The following LHFPL3 variants were observed in gnomAD, a reference collection of about 807,000 sequenced individuals.
LHFPL3 encodes the protein LHFPL tetraspan subfamily member 3.
LHFPL3 carries 5 observed loss-of-function variants against 19.3 expected under a neutral mutation model. The observed-to-expected ratio is 0.26, with a 90% CI of 0.14 to 0.54. The LOEUF is 0.54. Among genes scored for constraint, LHFPL3 ranks in the 20% least tolerant of loss-of-function variants. LHFPL3 has a pLI of 0.94. For missense variants in LHFPL3, 249 were observed against 307.4 expected, an observed-to-expected ratio of 0.81 and a Z score of 1.42; for synonymous variants, 133 against 126.2, an observed-to-expected ratio of 1.05 and a Z score of -0.36.
intron 1 of LHFPL3, among the ~76,000 whole-genome samples, chr7:104,725,599 A>C (rs890224678): frequency 6.6e-6 from 1 of 152,166 alleles, no homozygotes; most frequent in Non-Finnish European, 1.5e-5. Flanking sequence ...ATCCTCCAAA[A>C]TAAAAGGAAT....
chr7:104,378,076 A>G (rs977129189), intron 1 of LHFPL3, among the ~76,000 whole-genome samples: 5 of 152,208 alleles, frequency 3.3e-5, no homozygotes, highest in African/African-American at 1.2e-4. Flanking sequence ...TCCAGTTCAA[A>G]TGTACAGTTT....
rs141310730 is a variant in LHFPL3 at position 104,521,431 on chromosome 7, T to C, written c.445+192207T>C. 2.6e-3 allele frequency among the ~76,000 whole-genome samples: 403 copies of C among 152,288 alleles called. 2 individuals carry two copies. The highest frequency in any genetic ancestry group is 8.9e-3 in the African/African-American group (370 of 41,552). On this transcript the variant is annotated intron_variant, in intron 1 of 2. Transcript: ENST00000424859. Reference sequence around the variant, plus strand: ...GAAAAAAATGTATATTCTGTTGATTTGGGGTGGAGAGTTCTGTAGGCATTA... The same window carrying C: ...GAAAAAAATGTATATTCTGTTGATTCGGGGTGGAGAGTTCTGTAGGCATTA...
intron 1 of LHFPL3, among the ~76,000 whole-genome samples, chr7:104,437,296 A>T (rs1792128108): frequency 6.6e-6 from 1 of 152,216 alleles, no homozygotes; most frequent in South Asian, 2.1e-4. Flanking sequence ...AACTTCATTG[A>T]TGACTGAACA....
intron 1 of LHFPL3, among the ~76,000 whole-genome samples, chr7:104,375,238 T>C (rs1790689860): frequency 6.6e-6 from 1 of 151,932 alleles, no homozygotes; most frequent in Non-Finnish European, 1.5e-5. Flanking sequence ...ACACCGGGGG[T>C]GAGGCAGGAG....
Position 104,753,039 on chromosome 7 carries a change from T to C in LHFPL3, c.682+16128T>C, listed in dbSNP as rs1794207250. Among the ~76,000 whole-genome samples, 2 of 152,230 alleles carry C rather than the reference T, an allele frequency of 1.3e-5. 1 individual carries two copies. Among genetic ancestry groups the C allele is most frequent in the South Asian group, 4.1e-4 (2 of 4,834 alleles). ...TGGGTTTTGACAAATGAAATCTTTA[T>C]TTTTAACAAGCACATTTAAGTAAAT... On this transcript the variant is annotated intron_variant, in intron 2 of 2. Coordinates refer to ENST00000424859, the MANE Select transcript of LHFPL3 (RefSeq NM_199000.3).
At chr7:104,684,815 G>A (rs1792775030) in intron 1 of LHFPL3, among the ~76,000 whole-genome samples, 1 of 152,160 alleles carries the variant, frequency 6.6e-6, no homozygotes, top group Non-Finnish European at 1.5e-5. Flanking sequence ...GTGAGACTTT[G>A]CTAGCTTCCC....
intron 1 of LHFPL3, among the ~76,000 whole-genome samples, chr7:104,709,857 G>A (rs1466783573): frequency 1.6e-5 from 2 of 125,986 alleles, no homozygotes; most frequent in Non-Finnish European, 3.7e-5. Flanking sequence ...CCGGGCAGAG[G>A]GGCTCCTCAC....
At chr7:104,578,262 G>A (rs553936933) in intron 1 of LHFPL3, among the ~76,000 whole-genome samples, 10 of 152,326 alleles carry the variant, frequency 6.6e-5, no homozygotes, top group African/African-American at 1.7e-4. Context: ...TAGAGAGCCC[G>A]CTGCTTAGCT....
intron 1 of LHFPL3, among the ~76,000 whole-genome samples, chr7:104,672,964 C>T (rs1356454654): frequency 1.3e-5 from 2 of 152,066 alleles, no homozygotes; most frequent in Non-Finnish European, 2.9e-5. Context: ...TCTCTCAATA[C>T]TGGTTTTTCT....
Position 104,559,083 on chromosome 7 carries a change from C to G in LHFPL3, c.446-177592C>G, listed in dbSNP as rs1007788457. 1.9e-3 allele frequency among the ~76,000 whole-genome samples: 283 copies of G among 147,342 alleles called. 3 individuals are homozygous for G. The highest frequency in any genetic ancestry group is 6.9e-3 in the African/African-American group (271 of 39,478). On this transcript the variant is annotated intron_variant, in intron 1 of 2. Transcript: ENST00000424859. Reference sequence around the variant, plus strand: ...TACCATGCTGTTTTGGTTACTGTAGCCTTTCAGTGTAGTTTGAAGTCAGGT... The same window carrying G: ...TACCATGCTGTTTTGGTTACTGTAGGCTTTCAGTGTAGTTTGAAGTCAGGT...
intron 1 of LHFPL3, among the ~76,000 whole-genome samples, chr7:104,626,186 G>C (rs1029641668): frequency 6.6e-6 from 1 of 152,150 alleles, no homozygotes; most frequent in Non-Finnish European, 1.5e-5. Context: ...ATGAGTGCCT[G>C]CTTCCTTACA....
chr7:104,350,386 G>A (rs932567332), intron 1 of LHFPL3, among the ~76,000 whole-genome samples: 2 of 152,132 alleles, frequency 1.3e-5, no homozygotes, highest in African/African-American at 4.8e-5. Context: ...TGGTTTCAAA[G>A]TCCAGACTTG....
Position 104,610,980 on chromosome 7 carries a change from T to G in LHFPL3, c.446-125695T>G, listed in dbSNP as rs116563609. ...CATTTTTTTCATTTGCACAGTAGCA[T>G]GAATCGGTTGACTCCTATGAAGCAA... is the stretch of plus-strand genomic sequence containing the variant. On this transcript the variant is annotated intron_variant, in intron 1 of 2. Transcript: ENST00000424859. Among the ~76,000 whole-genome samples, 445 of 152,312 alleles carry G rather than the reference T, an allele frequency of 2.9e-3. 1 individual carries two copies. Among genetic ancestry groups the G allele is most frequent in the African/African-American group, 0.01 (429 of 41,584 alleles).
At chr7:104,593,526 G>A (rs1049714073) in intron 1 of LHFPL3, among the ~76,000 whole-genome samples, 1 of 152,160 alleles carries the variant, frequency 6.6e-6, no homozygotes, top group Non-Finnish European at 1.5e-5. Flanking sequence ...TTGATTTGGG[G>A]TGGAGAGTTC....
chr7:104,824,304 T>C (rs1243175531), intron 2 of LHFPL3, among the ~76,000 whole-genome samples: 1 of 23,022 alleles, frequency 4.3e-5, no homozygotes, highest in Non-Finnish European at 7.6e-5. Context: ...TTATATATTA[T>C]ATATAATTAT....
intron 1 of LHFPL3, among the ~76,000 whole-genome samples, chr7:104,437,272 A>G (rs1476916580): frequency 2.6e-5 from 4 of 152,232 alleles, no homozygotes; most frequent in African/African-American, 9.6e-5. Flanking sequence ...ACCAGGTTCT[A>G]CTTAAAAAAT....
At chr7:104,382,319 C>T (rs1790843503) in intron 1 of LHFPL3, among the ~76,000 whole-genome samples, 1 of 152,134 alleles carries the variant, frequency 6.6e-6, no homozygotes, top group Non-Finnish European at 1.5e-5. Context: ...GAAACCCCGT[C>T]TCTATTAAAA....
rs1468477797 is a variant in LHFPL3 at position 104,732,087 on chromosome 7, G to A, written c.446-4588G>A. 3.9e-5 allele frequency among the ~76,000 whole-genome samples: 6 copies of A among 152,250 alleles called. No individual in the cohort carries two copies. The East Asian group carries it at 9.6e-4, about 24-fold the overall frequency. On this transcript the variant is annotated intron_variant, in intron 1 of 2. Coordinates refer to ENST00000424859, the MANE Select transcript of LHFPL3 (RefSeq NM_199000.3). ...CAGGGATGAAGTCCACTTGATCATGGTGGATAAGCTTTTTGATGTGCTGCT... is the reference window on the plus strand; with the variant it reads ...CAGGGATGAAGTCCACTTGATCATGATGGATAAGCTTTTTGATGTGCTGCT...
At position 104,551,852 on chromosome 7, in the gene LHFPL3, A is replaced by T. The variant is rs534233126; in HGVS notation, c.446-184823A>T. Among the ~76,000 whole-genome samples the T allele has an allele frequency of 2.6e-5, 4 of 152,314 alleles. No homozygotes were observed. In the South Asian group the frequency reaches 8.3e-4, roughly 32 times the overall value. ...AAAGACACCATTTGAAGCACAATCT[A>T]CAAGAGGAGATCCTTATTTTTCAGC... On this transcript the variant is annotated intron_variant, in intron 1 of 2. Coordinates refer to ENST00000424859, the MANE Select transcript of LHFPL3 (RefSeq NM_199000.3).
Sources: allele counts gnomAD v4.1 joint callset (sites outside exome capture counted in the v4.1 genomes callset), GRCh38; gene constraint gnomAD v4.1.1; transcripts MANE v1.5; gene names NCBI Gene and HGNC (gene_info 2026-07-23, HGNC 2026-07-21).